FOXP2: variants seen among roughly 807,000 people sequenced by gnomAD.
FOXP2 encodes forkhead box P2.
In FOXP2, 12 loss-of-function variants were observed where a neutral mutation model predicts 115.8. That is an observed-to-expected ratio of 0.10 (90% CI 0.07 to 0.17). FOXP2 has a LOEUF of 0.17. Ranked by LOEUF, FOXP2 falls within the 10% of genes least tolerant of loss-of-function variation. The pLI is 1.00. For missense variants in FOXP2, 629 were observed against 843.5 expected (o/e 0.75, Z 3.15); for synonymous variants, 328 against 297.7 (o/e 1.10, Z -1.05).
intron 2 of FOXP2, among the ~76,000 whole-genome samples, chr7:114,336,593 T>G (rs1190893750): frequency 6.6e-6 from 1 of 151,600 alleles, no homozygotes; most frequent in Non-Finnish European, 1.5e-5. Flanking sequence ...GTTTCAAGAA[T>G]ACACTGGTGT....
chr7:114,293,781 C>T (rs1796669101), intron 2 of FOXP2, among the ~76,000 whole-genome samples: 1 of 152,120 alleles, frequency 6.6e-6, no homozygotes, highest in African/African-American at 2.4e-5. Context: ...TTTCCTGAGG[C>T]CTCCCCAGCC....
chr7:114,272,961 A>C (rs1445871541), intron 1 of FOXP2, among the ~76,000 whole-genome samples: 1 of 151,320 alleles, frequency 6.6e-6, no homozygotes, highest in Non-Finnish European at 1.5e-5. Context: ...AATCCTTATT[A>C]TTTCTTTTCT....
chr7:114,329,375 T>TTA, intron 2 of FOXP2, among the ~76,000 whole-genome samples: 1 of 151,678 alleles, frequency 6.6e-6, no homozygotes, highest in African/African-American at 2.4e-5. Context: ...AAAAATTAGC[T>TTA]GGGCATAGTG....
chr7:114,379,723 T>C (rs544958066), intron 2 of FOXP2, among the ~76,000 whole-genome samples: 72 of 152,298 alleles, frequency 4.7e-4, no homozygotes. Flanking sequence ...ATGTATGGCC[T>C]GCAGTGTAGG....
At chr7:114,517,451 T>C (rs1038553343) in intron 2 of FOXP2, among the ~76,000 whole-genome samples, 3 of 152,204 alleles carry the variant, frequency 2.0e-5, no homozygotes, top group Non-Finnish European at 4.4e-5. Context: ...CCTTGTATTT[T>C]CTTCTAGTGC....
intron 3 of FOXP2, among the ~76,000 whole-genome samples, chr7:114,560,182 T>G (rs1423090409): frequency 6.6e-6 from 1 of 152,210 alleles, no homozygotes; most frequent in Admixed American, 6.5e-5. Context: ...TAATAAACTG[T>G]GCTGTGTTGC....
chr7:114,644,717 C>T lies in FOXP2; in HGVS notation c.1022C>T (p.Thr341Ile), dbSNP rs1805776549. 6.2e-7 allele frequency: 1 copy of T among 1,613,974 alleles called. No homozygotes were observed. Among genetic ancestry groups the T allele is most frequent in the Non-Finnish European group, 8.5e-7 (1 of 1,179,942 alleles). The change falls in exon 8 of 17, where the codon ACT becomes ATT. Residue 341 changes from threonine to isoleucine, a missense_variant. Around this residue, in one of 9 missense-constraint regions of FOXP2, gnomAD observed 92 missense variants for 80.1 expected, o/e 1.15. Coordinates refer to ENST00000350908, the MANE Select transcript of FOXP2 (RefSeq NM_014491.4). ...CATGAGGAGACTGGGGCCTCTCACA[C>T]TCTCTATGGCCATGGAGTTTGCAAA... ...SSHEETGASHTLYGHGVCKWP... is the reference protein window; with the variant it reads ...SSHEETGASHILYGHGVCKWP...
intron 1 of FOXP2, among the ~76,000 whole-genome samples, chr7:114,111,968 C>T (rs748742334): frequency 6.6e-6 from 1 of 151,986 alleles, no homozygotes; most frequent in Non-Finnish European, 1.5e-5. Context: ...GTGAACTGCT[C>T]TGATGGACTA....
chr7:114,351,903 G>GAT (rs1434998280), intron 2 of FOXP2, among the ~76,000 whole-genome samples: 1 of 152,124 alleles, frequency 6.6e-6, no homozygotes, highest in Non-Finnish European at 1.5e-5. Context: ...GATGTAGAAA[G>GAT]ATGTGGTATA....
At chr7:114,645,653 T>G (rs1488717148) in intron 8 of FOXP2, 2 of 152,136 alleles carry the variant, frequency 1.3e-5, no homozygotes, top group African/African-American at 4.8e-5. Flanking sequence ...TGTTTCATGC[T>G]TCATCAACAA....
At chr7:114,329,616 G>A (rs988745018) in intron 2 of FOXP2, among the ~76,000 whole-genome samples, 2 of 151,278 alleles carry the variant, frequency 1.3e-5, no homozygotes, top group African/African-American at 4.9e-5. Context: ...ATATAATAGT[G>A]ATACCGTGCC....
chr7:114,398,802 T>A (rs1262539344), intron 2 of FOXP2, among the ~76,000 whole-genome samples: 5 of 152,190 alleles, frequency 3.3e-5, no homozygotes, highest in Non-Finnish European at 7.3e-5. Flanking sequence ...AGCAACAAGT[T>A]TTCCTCACTA....
intron 2 of FOXP2, among the ~76,000 whole-genome samples, chr7:114,493,031 T>C (rs1797141301): frequency 1.3e-5 from 2 of 152,152 alleles, no homozygotes; most frequent in South Asian, 4.1e-4. Flanking sequence ...CCATTATTAT[T>C]GTGTAGGAGT....
intron 1 of FOXP2, among the ~76,000 whole-genome samples, chr7:114,090,770 A>G (rs1164315497): frequency 6.6e-6 from 1 of 151,496 alleles, no homozygotes; most frequent in Non-Finnish European, 1.5e-5. Flanking sequence ...AGTCCTATCA[A>G]TTCTATAGTC....
chr7:114,148,226 A>G (rs1792430701), intron 1 of FOXP2, among the ~76,000 whole-genome samples: 1 of 152,196 alleles, frequency 6.6e-6, no homozygotes, highest in South Asian at 2.1e-4. Flanking sequence ...TGAGTTTATG[A>G]TTTAATTTAG....
At chr7:114,401,517 C>T (rs1461588604) in intron 2 of FOXP2, among the ~76,000 whole-genome samples, 1 of 152,122 alleles carries the variant, frequency 6.6e-6, no homozygotes, top group Admixed American at 6.5e-5. Context: ...TTAAGTGCCC[C>T]AATAATGCTG....
chr7:114,220,766 TTTAA>T (rs1437628223), intron 1 of FOXP2, among the ~76,000 whole-genome samples: 1 of 152,234 alleles, frequency 6.6e-6, no homozygotes, highest in African/African-American at 2.4e-5. Context: ...AAATACTCAC[TTTAA>T]TTGAGACAGT....
At chr7:114,670,619 T>G (rs576525615) in intron 16 of FOXP2, among the ~76,000 whole-genome samples, 6 of 152,144 alleles carry the variant, frequency 3.9e-5, no homozygotes, top group Admixed American at 6.5e-5. Context: ...CTTTGAATTG[T>G]CATAAAACAT....
At chr7:114,191,474 C>T (rs1027106121) in intron 1 of FOXP2, among the ~76,000 whole-genome samples, 3 of 152,098 alleles carry the variant, frequency 2.0e-5, no homozygotes, top group Non-Finnish European at 4.4e-5. Context: ...GAGTTTTTCT[C>T]GAGAGACGCA....
Sources: allele counts gnomAD v4.1 joint callset (sites outside exome capture counted in the v4.1 genomes callset), GRCh38; gene constraint gnomAD v4.1.1; regional missense constraint gnomAD v4.1.1; transcripts MANE v1.5; gene names NCBI Gene and HGNC (gene_info 2026-07-23, HGNC 2026-07-21).